The following RBM47 variants were observed in gnomAD, a reference collection of about 807,000 sequenced individuals.
RBM47 encodes RNA binding motif protein 47.
A neutral mutation model predicts 47.1 loss-of-function variants in RBM47; 21 were observed. The observed-to-expected ratio is 0.45, with a 90% CI of 0.32 to 0.64. The LOEUF (loss-of-function observed/expected upper bound fraction) is 0.64. Among genes scored for constraint, RBM47 ranks in the 30% least tolerant of loss-of-function variants. The probability of loss-of-function intolerance (pLI) is 0.05; values close to 1 mark genes in which losing one functional copy is unlikely to be tolerated. For missense variants in RBM47, 708 were observed against 870.9 expected, an observed-to-expected ratio of 0.81 and a Z score of 2.35; for synonymous variants, 375 against 361.7, an observed-to-expected ratio of 1.04 and a Z score of -0.42.
At chr4:40,616,170 G>A (rs1269648126) in intron 1 of RBM47, among the ~76,000 whole-genome samples, 7 of 151,940 alleles carry the variant, frequency 4.6e-5, no homozygotes, top group Admixed American at 4.6e-4. Flanking sequence ...GGCTAACATG[G>A]GTGAAACCCC....
chr4:40,551,629 G>A (rs1325985182), intron 1 of RBM47, among the ~76,000 whole-genome samples: 1 of 149,588 alleles, frequency 6.7e-6, no homozygotes, highest in African/African-American at 2.5e-5. Flanking sequence ...GAGGGAGGGA[G>A]AATCAAATAG....
intron 2 of RBM47, among the ~76,000 whole-genome samples, chr4:40,534,041 C>T (rs1727670440): frequency 6.6e-6 from 1 of 152,046 alleles, no homozygotes; most frequent in Non-Finnish European, 1.5e-5. Flanking sequence ...TCTCAAACTC[C>T]CAACCTCAGG....
chr4:40,532,581 GATTAC>G (rs1303277738), intron 2 of RBM47, among the ~76,000 whole-genome samples: 1 of 151,828 alleles, frequency 6.6e-6, no homozygotes, highest in Non-Finnish European at 1.5e-5. Context: ...AAAGTGCTGG[GATTAC>G]AGGCGTGAGC....
At chr4:40,486,718 T>C (rs1721135678) in intron 2 of RBM47, among the ~76,000 whole-genome samples, 2 of 152,168 alleles carry the variant, frequency 1.3e-5, no homozygotes, top group Non-Finnish European at 2.9e-5. Flanking sequence ...GGCACATGGA[T>C]TGAGCAACCT....
At chr4:40,558,950 C>T (rs1052110103) in intron 1 of RBM47, among the ~76,000 whole-genome samples, 23 of 151,902 alleles carry the variant, frequency 1.5e-4, no homozygotes, top group African/African-American at 4.1e-4. Context: ...GCCAAGATTT[C>T]GCCACTGCAC....
rs187320449 is a variant in RBM47 at position 40,504,179 on chromosome 4, T to C, written c.-154-37480A>G. Among the ~76,000 whole-genome samples, 274 of 152,288 alleles carry C rather than the reference T, an allele frequency of 1.8e-3. 3 individuals are homozygous for C. Among genetic ancestry groups the C allele is most frequent in the African/African-American group, 6.0e-3 (249 of 41,558 alleles). On this transcript the variant is annotated intron_variant, in intron 2 of 6. Coordinates refer to ENST00000295971, the MANE Select transcript of RBM47 (RefSeq NM_001098634.2). ...GCATCTTTAAGGTTCTTGACATACA[T>C]TGACATGCTGTTTTCTGAATAAGGC...
chr4:40,571,623 T>A (rs1213648956), intron 1 of RBM47, among the ~76,000 whole-genome samples: 5 of 151,968 alleles, frequency 3.3e-5, no homozygotes, highest in Admixed American at 3.3e-4. Flanking sequence ...TTTTAAAAAA[T>A]ACAAACCAGG....
intron 2 of RBM47, among the ~76,000 whole-genome samples, chr4:40,497,368 C>T (rs1302702666): frequency 6.6e-6 from 1 of 152,162 alleles, no homozygotes; most frequent in East Asian, 1.9e-4. Flanking sequence ...CCTGTAATCC[C>T]AGCACTTTGA....
rs571651598 is a variant in RBM47 at position 40,538,529 on chromosome 4, G to A, written c.-155+5893C>T. ...TTTAGTAGAAACAGGGTTTCACTAC[G>A]TTGGCCAGGATGGTCTCGATCTTTT... On this transcript the variant is annotated intron_variant, in intron 2 of 6. Coordinates refer to ENST00000295971, the MANE Select transcript of RBM47 (RefSeq NM_001098634.2). Among the ~76,000 whole-genome samples the A allele has an allele frequency of 5.9e-5, 9 of 152,174 alleles. No individual in the cohort carries two copies. In the South Asian group the frequency reaches 1.0e-3, roughly 18 times the overall value.
rs543273024 is a variant in RBM47 at position 40,594,379 on chromosome 4, G to A, written c.-240+35017C>T. On this transcript the variant is annotated intron_variant, in intron 1 of 6. Coordinates refer to ENST00000295971, the MANE Select transcript of RBM47 (RefSeq NM_001098634.2). Reference sequence around the variant, plus strand: ...AGCAAATCTGCAAGGAGTGACATTGGACCAAGATAGGAAAAGTCAAGGCCT... The same window carrying A: ...AGCAAATCTGCAAGGAGTGACATTGAACCAAGATAGGAAAAGTCAAGGCCT... Among the ~76,000 whole-genome samples, 3 of 152,226 alleles carry A rather than the reference G, an allele frequency of 2.0e-5. No individual in the cohort carries two copies. In the East Asian group the frequency reaches 5.8e-4, roughly 29 times the overall value.
chr4:40,545,429 C>T (rs1385098790), intron 1 of RBM47, among the ~76,000 whole-genome samples: 3 of 148,030 alleles, frequency 2.0e-5, no homozygotes, highest in South Asian at 2.1e-4. Flanking sequence ...TTTGGGAGCC[C>T]GAGGCAGGTG....
intron 1 of RBM47, among the ~76,000 whole-genome samples, chr4:40,613,837 G>C (rs1163631366): frequency 6.6e-6 from 1 of 151,810 alleles, no homozygotes. Context: ...AGTGACTGTG[G>C]AGAACAGTCT....
At chr4:40,552,819 C>T (rs1387115797) in intron 1 of RBM47, among the ~76,000 whole-genome samples, 2 of 152,226 alleles carry the variant, frequency 1.3e-5, no homozygotes, top group African/African-American at 4.8e-5. Flanking sequence ...ATCCTCTTCT[C>T]CTGCCTTGGC....
At chr4:40,476,773 T>G (rs1389690564) in intron 2 of RBM47, among the ~76,000 whole-genome samples, 1 of 152,104 alleles carries the variant, frequency 6.6e-6, no homozygotes. Context: ...GCATCAGGAT[T>G]AAAGTGAGCT....
At chr4:40,436,869 A>G in intron 4 of RBM47, 1 of 675,210 alleles carries the variant, frequency 1.5e-6, no homozygotes, top group Non-Finnish European at 2.7e-6. Context: ...TTGCAGGGTG[A>G]GTTTCTAGGA....
At chr4:40,432,561 A>C (rs1716322835) in intron 6 of RBM47, 90 bp downstream of exon 6, 9 of 1,564,108 alleles carry the variant, frequency 5.8e-6, no homozygotes, top group South Asian at 1.2e-5. Flanking sequence ...AGCCAGGCAC[A>C]CAGTAAATTC....
chr4:40,527,957 T>C (rs73147524), intron 2 of RBM47, among the ~76,000 whole-genome samples: 2 of 152,122 alleles, frequency 1.3e-5, no homozygotes, highest in African/African-American at 2.4e-5. Context: ...CAGAAACTTG[T>C]TTTCGTATTT....
At chr4:40,433,158 GC>G (rs1380576176) in intron 5 of RBM47, among the ~76,000 whole-genome samples, 1 of 151,848 alleles carries the variant, frequency 6.6e-6, no homozygotes, top group East Asian at 1.9e-4. Flanking sequence ...ACAGGGTTTC[GC>G]CACGTTGCCC....
chr4:40,590,834 G>A lies in RBM47; in HGVS notation c.-240+38562C>T, dbSNP rs996761470. The stretch of plus-strand genomic sequence containing the variant: ...GCCTTTTCTTTTGAGATGGAGTCTC[G>A]CACTGTCACCCACGCTGGAGTGCAG... On this transcript the variant is annotated intron_variant, in intron 1 of 6. Transcript: ENST00000295971. 2.0e-5 allele frequency among the ~76,000 whole-genome samples: 3 copies of A among 152,132 alleles called. No homozygotes were observed. In the South Asian group the frequency reaches 6.2e-4, roughly 32 times the overall value.
Sources: allele counts gnomAD v4.1 joint callset (sites outside exome capture counted in the v4.1 genomes callset), GRCh38; gene constraint gnomAD v4.1.1; transcripts MANE v1.5; gene names NCBI Gene and HGNC (gene_info 2026-07-23, HGNC 2026-07-21).